SYNE2: variants seen among roughly 807,000 people sequenced by gnomAD.
SYNE2 encodes the protein spectrin repeat containing nuclear envelope protein 2.
In SYNE2, 431 loss-of-function variants were observed where a neutral mutation model predicts 856.3. That is an observed-to-expected ratio of 0.50 (90% CI 0.47 to 0.55). The LOEUF (loss-of-function observed/expected upper bound fraction) is 0.55, where lower values mean the gene tolerates loss of function less well. Among genes scored for constraint, SYNE2 ranks in the 20% least tolerant of loss-of-function variants. SYNE2 has a pLI of 0.00. For missense variants in SYNE2, 8,129 were observed against 8,023.2 expected, an observed-to-expected ratio of 1.01 and a Z score of -0.50; for synonymous variants, 2,923 against 2,872.3, an observed-to-expected ratio of 1.02 and a Z score of -0.56.
In SYNE2 at chr14:64,139,943, A is replaced by C; in HGVS notation, c.14846A>C (p.Tyr4949Ser). The C allele has an allele frequency of 6.2e-7, 1 of 1,614,072 alleles. No individual in the cohort carries two copies. The stretch of plus-strand genomic sequence containing the variant: ...CTCTCTCACTTTGCTCCTGTTAGTT[A>C]TAACAGAGATTCGGATCAGTTAACC... ...LQALLKHLLS[Y>S]NRDSDQLTKW... Residue 4949 changes from tyrosine to serine, a missense_variant and splice_region_variant, in exon 80 of 116, where the codon TAT becomes TCT. Tyr to Ser is a moderately radical substitution (Grantham distance 144). This residue lies in a region of SYNE2 where 5,410 missense variants were observed against 5,284.8 expected (regional missense o/e 1.02). Coordinates refer to ENST00000555002, the MANE Select transcript of SYNE2 (RefSeq NM_182914.3).
rs754982682 is a variant in SYNE2, at chr14:64,089,702, C to T, written c.11793+6C>T. 1.3e-6 allele frequency: 2 copies of T among 1,552,184 alleles called. No homozygotes were observed. Among genetic ancestry groups the T allele is most frequent in the Non-Finnish European group, 1.8e-6 (2 of 1,126,262 alleles). On this transcript the variant is annotated splice_donor_region_variant and intron_variant, in intron 59 of 115. Coordinates refer to ENST00000555002, the MANE Select transcript of SYNE2 (RefSeq NM_182914.3). ...AACATCTCAAACATGGGGAGGTAAG[C>T]ATAGATTATTATTTAAAGTATTTTC...
At chr14:64,091,195 G>T in intron 60 of SYNE2, 147 bp downstream of exon 60, 1 of 750,618 alleles carries the variant, frequency 1.3e-6, no homozygotes, top group Non-Finnish European at 2.2e-6. Context: ...ATGCTCAAAT[G>T]GAGCTAAGGT....
In SYNE2 at chr14:64,025,322, T is replaced by G; in HGVS notation, c.6153T>G (p.His2051Gln). 1 of 1,614,064 alleles carries G rather than the reference T, an allele frequency of 6.2e-7. No individual in the cohort carries two copies. Among genetic ancestry groups the G allele is most frequent in the Non-Finnish European group, 8.5e-7 (1 of 1,179,968 alleles). ...TEDQSFNDLAHDVIHWIKEIK... is the reference protein window; with the variant it reads ...TEDQSFNDLAQDVIHWIKEIK... ...ACCAGAGCTTTAATGATCTTGCACA[T>G]GATGTAATTCATTGGATAAAAGAGA... is the stretch of plus-strand genomic sequence containing the variant. Residue 2051 changes from histidine (H) to glutamine (Q), a missense_variant, in exon 41 of 116, where the codon CAT becomes CAG. His to Gln is a conservative substitution (Grantham distance 24, BLOSUM62 0). This residue lies in a region of SYNE2 where 2,422 missense variants were observed against 2,357.4 expected (regional missense o/e 1.03). Transcript: ENST00000555002.
intron 82 of SYNE2, among the ~76,000 whole-genome samples, 159 bp from the exon 83 acceptor site, chr14:64,143,612 CA>C (rs1447862749): frequency 6.6e-6 from 1 of 152,152 alleles, no homozygotes; most frequent in Non-Finnish European, 1.5e-5. Flanking sequence ...CCAATAAAGC[CA>C]ACTCCTGGTG....
chr14:64,201,232 T>A (rs2098562709), intron 99 of SYNE2, among the ~76,000 whole-genome samples: 1 of 152,222 alleles, frequency 6.6e-6, no homozygotes, highest in Non-Finnish European at 1.5e-5. Flanking sequence ...ACCACTTCCC[T>A]GAAGCTTAAG....
intron 22 of SYNE2, among the ~76,000 whole-genome samples, chr14:63,994,547 C>A (rs759223686): frequency 3.3e-5 from 5 of 152,176 alleles, no homozygotes; most frequent in Non-Finnish European, 7.3e-5. Flanking sequence ...TTATCAGCAT[C>A]TTACCTTAGT....
intron 38 of SYNE2, chr14:64,023,298 CAT>C (rs1180084211): frequency 6.1e-6 from 1 of 162,756 alleles, no homozygotes; most frequent in Non-Finnish European, 1.3e-5. Context: ...GATATTTTCA[CAT>C]GAGAGATAAT....
chr14:64,108,320 C>A (rs1189588461), intron 65 of SYNE2, among the ~76,000 whole-genome samples: 1 of 152,120 alleles, frequency 6.6e-6, no homozygotes, highest in African/African-American at 2.4e-5. Flanking sequence ...CCACTGCACT[C>A]CAGCCTGCCT....
At chr14:63,947,604 G>C (rs754967085) in intron 6 of SYNE2, among the ~76,000 whole-genome samples, 1 of 152,178 alleles carries the variant, frequency 6.6e-6, no homozygotes, top group African/African-American at 2.4e-5. Flanking sequence ...GGGAGGCCGA[G>C]GCAGGTGGAC....
At chr14:64,156,835 A>G (rs1274453776) in intron 85 of SYNE2, among the ~76,000 whole-genome samples, 1 of 152,242 alleles carries the variant, frequency 6.6e-6, no homozygotes, top group African/African-American at 2.4e-5. Flanking sequence ...CATTCAGTCC[A>G]CATAGTTGCC....
At chr14:63,837,896 A>T (rs66460676) in intron 1 of SYNE2, among the ~76,000 whole-genome samples, 62,789 of 138,998 alleles carry the variant, frequency 0.45, 14,989 homozygotes, top group South Asian at 0.56. Flanking sequence ...TCCAGGCTGG[A>T]TGACAAAGTG....
chr14:64,100,332 A>T (rs1414643310), intron 63 of SYNE2: 2 of 151,422 alleles, frequency 1.3e-5, no homozygotes, highest in African/African-American at 4.9e-5. Context: ...TTTTTTAAAA[A>T]AATTGACAAG....
At chr14:63,902,389 T>G (rs2095349092) in intron 1 of SYNE2, among the ~76,000 whole-genome samples, 2 of 115,852 alleles carry the variant, frequency 1.7e-5, no homozygotes, top group African/African-American at 6.8e-5. Context: ...CCAGCCTGGG[T>G]GACAGAACGA....
At chr14:64,165,940 G>GTT (rs1482811797) in intron 90 of SYNE2, among the ~76,000 whole-genome samples, 1 of 152,134 alleles carries the variant, frequency 6.6e-6, no homozygotes, top group Non-Finnish European at 1.5e-5. Flanking sequence ...TGTAGTAGAT[G>GTT]TTTTTTCATA....
chr14:64,076,255 A>G (rs2097458120), intron 54 of SYNE2, among the ~76,000 whole-genome samples, 155 bp downstream of exon 54: 1 of 152,204 alleles, frequency 6.6e-6, no homozygotes, highest in South Asian at 2.1e-4. Flanking sequence ...TGCTAAGATA[A>G]AGATGCTCTA....
intron 27 of SYNE2, among the ~76,000 whole-genome samples, chr14:64,000,060 T>C (rs766587530): frequency 3.3e-5 from 5 of 152,242 alleles, no homozygotes; most frequent in African/African-American, 1.2e-4. Flanking sequence ...TAGTATTGTA[T>C]AGCAGTGCCT....
At chr14:64,013,237 C>A (rs2096861149) in intron 32 of SYNE2, among the ~76,000 whole-genome samples, 1 of 151,664 alleles carries the variant, frequency 6.6e-6, no homozygotes, top group African/African-American at 2.4e-5. Flanking sequence ...TTAGTTTGTT[C>A]AAATAAATGA....
At chr14:63,791,370 ATAATT>A (rs2139767238) in intron 1 of SYNE2, among the ~76,000 whole-genome samples, 1 of 152,294 alleles carries the variant, frequency 6.6e-6, no homozygotes, top group East Asian at 1.9e-4. Context: ...ATAATTTAAA[ATAATT>A]TACTGTCCTG....
intron 64 of SYNE2, among the ~76,000 whole-genome samples, chr14:64,102,819 A>G (rs1358598246): frequency 6.6e-6 from 1 of 152,012 alleles, no homozygotes; most frequent in East Asian, 1.9e-4. Context: ...TCAGCCCCCA[A>G]CAGCCCTGGT....
Sources: gnomAD v4.1 joint callset for allele counts (sites outside exome capture counted in the v4.1 genomes callset) on GRCh38, gnomAD v4.1.1 for gene constraint, gnomAD v4.1.1 regional missense constraint, MANE v1.5 for transcripts, NCBI Gene and HGNC (gene_info 2026-07-23, HGNC 2026-07-21) for gene names.